Variants in MASTL observed in about 807,000 individuals in gnomAD.
MASTL encodes serine/threonine-protein kinase greatwall.
Under a neutral mutation model 82.5 loss-of-function variants are expected in MASTL, and 54 were observed. That is an observed-to-expected ratio of 0.65 (90% CI 0.53 to 0.82). The LOEUF (loss-of-function observed/expected upper bound fraction) is 0.82, where lower values mean the gene tolerates loss of function less well. MASTL is among the 40% of genes least tolerant of loss of function. The pLI is 0.00. For synonymous variants in MASTL, 323 were observed against 368.9 expected (o/e 0.88, Z 1.43); for missense variants, 950 against 1,047.8 (o/e 0.91, Z 1.29).
intron 9 of MASTL, among the ~76,000 whole-genome samples, 184 bp from the exon 10 acceptor site, chr10:27,180,769 G>A (rs2058248170): frequency 1.3e-5 from 2 of 152,162 alleles, no homozygotes; most frequent in Admixed American, 6.6e-5. Context: ...TGTACAGGAG[G>A]GCTGTGCGTC....
Position 27,186,595 on chromosome 10 carries a change from T to C in MASTL, c.*59T>C, listed in dbSNP as rs1030341538. On this transcript the variant is annotated 3_prime_UTR_variant, in exon 12 of 12. Coordinates refer to ENST00000375940, the MANE Select transcript of MASTL (RefSeq NM_001172303.3). Reference sequence around the variant, plus strand: ...TATAGAATGAACTTGCATAATTATATACTCCTTAATACTAGATTGATCTAA... The same window carrying C: ...TATAGAATGAACTTGCATAATTATACACTCCTTAATACTAGATTGATCTAA... 3.0e-6 allele frequency: 4 copies of C among 1,336,576 alleles called. No homozygotes were observed. In the African/African-American group the frequency reaches 5.7e-5, roughly 19 times the overall value. 82.8% of individuals were successfully genotyped at this position (1,336,576 alleles called of 1,614,324 possible).
intron 3 of MASTL, among the ~76,000 whole-genome samples, chr10:27,160,420 A>C (rs1346855854): frequency 6.6e-6 from 1 of 152,082 alleles, no homozygotes; most frequent in Non-Finnish European, 1.5e-5. Context: ...AGTCAGATTA[A>C]GTGACTTATT....
At chr10:27,162,433 C>CG (rs1285808954) in intron 4 of MASTL, among the ~76,000 whole-genome samples, 1 of 152,150 alleles carries the variant, frequency 6.6e-6, no homozygotes, top group Non-Finnish European at 1.5e-5. Context: ...GAGGCCGAGG[C>CG]GGGTAGATCA....
At chr10:27,161,474 A>C (rs2057570343) in intron 4 of MASTL, among the ~76,000 whole-genome samples, 1 of 151,952 alleles carries the variant, frequency 6.6e-6, no homozygotes. Context: ...CCGCCATTGC[A>C]CTCCAGACTG....
chr10:27,176,096 CAAAA>C (rs111538557), intron 9 of MASTL, among the ~76,000 whole-genome samples: 4 of 118,112 alleles, frequency 3.4e-5, no homozygotes, highest in Admixed American at 8.7e-5. Flanking sequence ...GACTCCATCT[CAAAA>C]AAAAAAAAAA....
rs143804735 is a variant in MASTL, at chr10:27,184,912, G to C, written c.2483-1467G>C. On this transcript the variant is annotated intron_variant, in intron 11 of 11. Coordinates refer to ENST00000375940, the MANE Select transcript of MASTL (RefSeq NM_001172303.3). ...TAGAAGGAAATAGGAACAATGACAG[G>C]TAATGAAATGGCAGTAAAGAGGTGA... Among the ~76,000 whole-genome samples, 1,106 of 152,246 alleles carry C rather than the reference G, an allele frequency of 7.3e-3. 11 individuals are homozygous for C. Among genetic ancestry groups the C allele is most frequent in the African/African-American group, 0.026 (1,063 of 41,538 alleles).
Position 27,159,924 on chromosome 10 carries a change from G to GT in MASTL, c.464+172dup, listed in dbSNP as rs2057512791. Among the ~76,000 whole-genome samples, 1 of 151,922 alleles carries GT rather than the reference G, an allele frequency of 6.6e-6. No individual in the cohort carries two copies. Among genetic ancestry groups the GT allele is most frequent in the African/African-American group, 2.4e-5 (1 of 41,372 alleles). On this transcript the variant is annotated intron_variant, in intron 3 of 11. Coordinates refer to ENST00000375940, the MANE Select transcript of MASTL (RefSeq NM_001172303.3). The surrounding 1 kb of genome is among the most constrained non-coding windows in gnomAD (Gnocchi z 4.0). The stretch of plus-strand genomic sequence containing the variant: ...ATTAACTCTTCTTTCATCTCCCTGT[G>GT]TTTTTTAAAATATATTGCTTTGAAC...
rs79781502 is a variant in MASTL at position 27,159,313 on chromosome 10, G to A, written c.325-306G>A. Among the ~76,000 whole-genome samples the A allele has an allele frequency of 2.6e-3, 400 of 152,232 alleles. 2 individuals carry two copies. Among genetic ancestry groups the A allele is most frequent in the African/African-American group, 9.1e-3 (377 of 41,542 alleles). On this transcript the variant is annotated intron_variant, in intron 2 of 11. Transcript: ENST00000375940. This position sits in a 1 kb window ranked among gnomAD's most constrained non-coding sequence, Gnocchi z 4.0. Reference sequence around the variant, plus strand: ...ATTTTTTGTAATTTTAGTAGGGACGGGGTTTTGCTATGTTGGCCAGGCTAG... The same window carrying A: ...ATTTTTTGTAATTTTAGTAGGGACGAGGTTTTGCTATGTTGGCCAGGCTAG...
At chr10:27,155,933 ATCGG>A (rs1564477547) in intron 1 of MASTL, among the ~76,000 whole-genome samples, 1 of 152,214 alleles carries the variant, frequency 6.6e-6, no homozygotes. Context: ...AGGTGATTAC[ATCGG>A]TCTTAGTACA....
rs1202621281 is a variant in MASTL at position 27,159,431 on chromosome 10, T to A, written c.325-188T>A. 6.6e-6 allele frequency among the ~76,000 whole-genome samples: 1 copy of A among 152,184 alleles called. No individual in the cohort carries two copies. Among genetic ancestry groups the A allele is most frequent in the Non-Finnish European group, 1.5e-5 (1 of 68,028 alleles). ...AGTCACTGTGCCCAGCCTAAACAGT[T>A]TAATTTTTAATTAAAAACTGTTATG... On this transcript the variant is annotated intron_variant, in intron 2 of 11. Coordinates refer to ENST00000375940, the MANE Select transcript of MASTL (RefSeq NM_001172303.3). This position sits in a 1 kb window ranked among gnomAD's most constrained non-coding sequence, Gnocchi z 4.0.
At chr10:27,173,305 C>T (rs1291485389) in intron 9 of MASTL, 46 bp downstream of exon 9, 3 of 1,610,688 alleles carry the variant, frequency 1.9e-6, no homozygotes, top group South Asian at 2.2e-5. Context: ...TCTATCACTA[C>T]ATTATCTTTC....
chr10:27,172,188 CTTT>C (rs1313041820), intron 8 of MASTL, among the ~76,000 whole-genome samples: 1 of 152,102 alleles, frequency 6.6e-6, no homozygotes, highest in Non-Finnish European at 1.5e-5. Context: ...CAAAGTTTTA[CTTT>C]TTTTCTTCCT....
In MASTL at chr10:27,186,655, G is replaced by C. The variant is rs1438164569; in HGVS notation, c.*119G>C. ...ATCATTATTTAACCTAGTTCAATGT[G>C]CTTTTAATGTACGTTACAGCTTTCA... On this transcript the variant is annotated 3_prime_UTR_variant, in exon 12 of 12. Transcript: ENST00000375940. 3 of 943,300 alleles carry C rather than the reference G, an allele frequency of 3.2e-6. No homozygotes were observed. Among genetic ancestry groups the C allele is most frequent in the Non-Finnish European group, 5.2e-6 (3 of 580,198 alleles). 58.4% of individuals were successfully genotyped at this position (943,300 alleles called of 1,614,324 possible).
rs777467129 is a variant in MASTL at position 27,170,785 on chromosome 10, T to C, written c.1826T>C (p.Ile609Thr). The C allele has an allele frequency of 5.1e-5, 83 of 1,614,030 alleles. No homozygotes were observed. The highest frequency in any genetic ancestry group is 1.6e-4 in the Middle Eastern group (1 of 6,084). The stretch of plus-strand genomic sequence containing the variant: ...GAATCAAATATTGAAGATCCACTTA[T>C]TGTAACACCAGATTGCCAAGAAAAG... Reference protein sequence around the residue: ...FEESNIEDPLIVTPDCQEKTS... With the variant: ...FEESNIEDPLTVTPDCQEKTS... Residue 609 changes from isoleucine to threonine, a missense_variant, in exon 8 of 12, where the codon ATT becomes ACT. Physicochemically the swap from Ile to Thr is moderately conservative, Grantham distance 89 (BLOSUM62 -1). Coordinates refer to ENST00000375940, the MANE Select transcript of MASTL (RefSeq NM_001172303.3).
chr10:27,173,051 C>G, intron 8 of MASTL, 67 bp from the exon 9 acceptor site: 2 of 1,585,258 alleles, frequency 1.3e-6, no homozygotes, highest in Non-Finnish European at 1.7e-6. Context: ...TTGTGTGTTT[C>G]ACCATTTTCT....
At chr10:27,171,122 A>G (rs780087390) in intron 8 of MASTL, 39 bp downstream of exon 8, 1 of 1,555,104 alleles carries the variant, frequency 6.4e-7, no homozygotes, top group Non-Finnish European at 8.9e-7. Context: ...TTTGGATTTT[A>G]GAAAAACTAT....
Position 27,170,817 on chromosome 10 carries a change from C to A in MASTL, c.1858C>A (p.Pro620Thr). The A allele has an allele frequency of 6.2e-7, 1 of 1,614,020 alleles. No individual in the cohort carries two copies. The highest frequency in any genetic ancestry group is 8.5e-7 in the Non-Finnish European group (1 of 1,179,978). ...VTPDCQEKTSPKGVENPAVQE... is the reference protein window; with the variant it reads ...VTPDCQEKTSTKGVENPAVQE... ...ACCAGATTGCCAAGAAAAGACCTCA[C>A]CAAAAGGTGTCGAGAACCCTGCTGT... Residue 620 changes from proline to threonine, a missense_variant, in exon 8 of 12, where the codon CCA (proline) becomes ACA (threonine). Physicochemically the swap from Pro to Thr is conservative, Grantham distance 38 (BLOSUM62 -1). Coordinates refer to ENST00000375940, the MANE Select transcript of MASTL (RefSeq NM_001172303.3).
chr10:27,165,408 A>T lies in MASTL; in HGVS notation c.680A>T (p.Lys227Ile), dbSNP rs2057709804. ...TAATAGAACACACCAATTGCAGAAA[A>T]AAATCAAGACCCTGCAAACATCCTT... is the stretch of plus-strand genomic sequence containing the variant. ...SLGFNTPIAEKNQDPANILSA... is the reference protein window; with the variant it reads ...SLGFNTPIAEINQDPANILSA... The change falls in exon 6 of 12, where the codon AAA (lysine) becomes ATA (isoleucine). Residue 227 changes from lysine to isoleucine, a missense_variant. Physicochemically the swap from Lys to Ile is moderately radical, Grantham distance 102 (BLOSUM62 -3). Coordinates refer to ENST00000375940, the MANE Select transcript of MASTL (RefSeq NM_001172303.3). 1.2e-6 allele frequency: 2 copies of T among 1,614,066 alleles called. No individual in the cohort carries two copies. Among genetic ancestry groups the T allele is most frequent in the African/African-American group, 2.7e-5 (2 of 74,934 alleles).
Position 27,171,082 on chromosome 10 carries a change from A to C in MASTL, c.2123A>C (p.Gln708Pro). 1 of 1,613,254 alleles carries C rather than the reference A, an allele frequency of 6.2e-7. No homozygotes were observed. ...TQKRRSCMPHQQTPNQIKSGT... is the reference protein window; with the variant it reads ...TQKRRSCMPHPQTPNQIKSGT... ...AAAAGAAGATCCTGTATGCCACATC[A>C]GGTATATTTATAACTTTCTAATACT... The change falls in exon 8 of 12, where the codon CAG becomes CCG. Residue 708 changes from glutamine to proline, a missense_variant and splice_region_variant. Gln to Pro is a moderately conservative substitution (Grantham distance 76). Transcript: ENST00000375940.
Sources: gnomAD v4.1 joint callset for allele counts (sites outside exome capture counted in the v4.1 genomes callset) on GRCh38, gnomAD v4.1.1 for gene constraint, Gnocchi (gnomAD v3.1) non-coding constraint, MANE v1.5 for transcripts, NCBI Gene and HGNC (gene_info 2026-07-23, HGNC 2026-07-21) for gene names.